C12orf42: variants seen among roughly 807,000 people sequenced by gnomAD.
C12orf42 encodes chromosome 12 open reading frame 42, also known as uncharacterized protein C12orf42.
Under a neutral mutation model 21.6 loss-of-function variants are expected in C12orf42, and 25 were observed. The ratio of observed to expected loss-of-function variants is 1.16; its 90% CI spans 0.84 to 1.62. The LOEUF (loss-of-function observed/expected upper bound fraction) is 1.62. Ranked by LOEUF, C12orf42 falls within the 40% of genes most tolerant of loss-of-function variation. C12orf42 has a pLI of 0.00. For missense variants in C12orf42, 483 were observed against 459.3 expected (o/e 1.05, Z -0.47); for synonymous variants, 174 against 175.0 (o/e 0.99, Z 0.05).
chr12:103,306,229 C>A lies in C12orf42; in HGVS notation c.376G>T (p.Glu126Ter), dbSNP rs773095957. 2.5e-6 allele frequency: 4 copies of A among 1,613,918 alleles called. No individual in the cohort carries two copies. The highest frequency in any genetic ancestry group is 2.5e-6 in the Non-Finnish European group (3 of 1,179,880). Residue 126 changes from glutamate (E) to a stop codon, truncating the protein, a stop_gained, in exon 5 of 6, where the codon GAA becomes TAA. Transcript: ENST00000548883. LOFTEE classifies it high-confidence loss of function. The stretch of plus-strand genomic sequence containing the variant: ...GATGGTGCTGGAGAGGAACGGAATT[C>A]TTCATAGCTTTCTTCATCAAAAGAA... ...TVSFDEESYE[E>*]FRSSPAPSSE...
chr12:103,315,755 G>A (rs2039412690), intron 4 of C12orf42, among the ~76,000 whole-genome samples: 1 of 152,138 alleles, frequency 6.6e-6, no homozygotes, highest in African/African-American at 2.4e-5. Flanking sequence ...ACACCTTATA[G>A]AAGAATGACG....
intron 4 of C12orf42, among the ~76,000 whole-genome samples, chr12:103,309,152 A>G (rs78983871): frequency 0.034 from 5,186 of 152,144 alleles, 279 homozygotes; most frequent in African/African-American, 0.12. Context: ...ACCTACAATA[A>G]CTCCAATGTA....
intron 4 of C12orf42, among the ~76,000 whole-genome samples, chr12:103,317,509 C>T (rs1377091230): frequency 6.6e-6 from 1 of 152,164 alleles, no homozygotes; most frequent in Non-Finnish European, 1.5e-5. Context: ...CTGGGCTAGA[C>T]TACAAATTGT....
chr12:103,059,513 G>T, the C12orf42 span, among the ~76,000 whole-genome samples: 25 of 151,992 alleles, frequency 1.6e-4, no homozygotes, highest in African/African-American at 6.0e-4. Context: ...AACCTGGCAG[G>T]CACACAACGA....
intron 2 of C12orf42, among the ~76,000 whole-genome samples, chr12:103,416,463 A>C (rs1196822914): frequency 6.6e-6 from 1 of 152,004 alleles, no homozygotes; most frequent in Non-Finnish European, 1.5e-5. Context: ...AGAGAGATTT[A>C]GATTGGTTAT....
chr12:103,432,251 G>A (rs950784132), intron 2 of C12orf42, among the ~76,000 whole-genome samples: 16 of 152,132 alleles, frequency 1.1e-4, no homozygotes, highest in Non-Finnish European at 1.3e-4. Flanking sequence ...CCCAGCTCCT[G>A]AGATCTTAGC....
the C12orf42 span, among the ~76,000 whole-genome samples, chr12:103,229,712 AT>A: frequency 6.6e-6 from 1 of 152,170 alleles, no homozygotes; most frequent in Non-Finnish European, 1.5e-5. Flanking sequence ...GAATCTTTGA[AT>A]TTTATGTAAA....
intron 4 of C12orf42, among the ~76,000 whole-genome samples, chr12:103,356,331 C>T (rs1574503): frequency 0.1 from 15,545 of 152,154 alleles, 881 homozygotes; most frequent in Middle Eastern, 0.15. Context: ...ACTAGAATGT[C>T]TGTATCTATT....
At chr12:103,419,119 T>A (rs1273159054) in intron 2 of C12orf42, among the ~76,000 whole-genome samples, 1 of 152,120 alleles carries the variant, frequency 6.6e-6, no homozygotes, top group African/African-American at 2.4e-5. Flanking sequence ...ACAAATGCTA[T>A]CATCTTTCAA....
chr12:103,334,996 T>G (rs2041568052), intron 4 of C12orf42, among the ~76,000 whole-genome samples: 1 of 152,234 alleles, frequency 6.6e-6, no homozygotes. Context: ...GGTGACAGTC[T>G]GGAGTCCACA....
the C12orf42 span, among the ~76,000 whole-genome samples, chr12:103,533,671 G>T: frequency 6.6e-6 from 1 of 152,146 alleles, no homozygotes; most frequent in Non-Finnish European, 1.5e-5. Context: ...GGTCAAAAAT[G>T]GTCAAATGTC....
chr12:103,431,375 G>T (rs1950252630), intron 2 of C12orf42: 1 of 152,144 alleles, frequency 6.6e-6, no homozygotes, highest in South Asian at 2.1e-4. Context: ...AAAGCCACAT[G>T]AATAGCTAAC....
the C12orf42 span, among the ~76,000 whole-genome samples, chr12:103,108,157 ATAAATT>A: frequency 1.3e-5 from 2 of 151,482 alleles, no homozygotes; most frequent in Admixed American, 1.3e-4. Context: ...GAAAAAATAA[ATAAATT>A]TAATCTATAT....
intron 2 of C12orf42, among the ~76,000 whole-genome samples, chr12:103,473,197 C>T (rs960351968): frequency 2.6e-5 from 4 of 152,162 alleles, no homozygotes; most frequent in East Asian, 1.9e-4. Flanking sequence ...AATAATGACA[C>T]ATAATCATCT....
chr12:103,156,381 T>C, the C12orf42 span, among the ~76,000 whole-genome samples: 1 of 152,182 alleles, frequency 6.6e-6, no homozygotes, highest in Non-Finnish European at 1.5e-5. Context: ...TCAGGAGTGC[T>C]ATAATGGACT....
the C12orf42 span, among the ~76,000 whole-genome samples, chr12:103,074,807 G>T: frequency 6.6e-6 from 1 of 152,074 alleles, no homozygotes; most frequent in African/African-American, 2.4e-5. Flanking sequence ...ACATTCACTC[G>T]GGACATAATG....
chr12:103,333,377 A>G lies in C12orf42; in HGVS notation c.260-27032T>C, dbSNP rs1047120443. On this transcript the variant is annotated intron_variant, in intron 4 of 5. Transcript: ENST00000548883. ...GTATTTGTTACATAGTAAATGCTCAATAAATGTCAGTCATTATTGCCATTG... is the reference window on the plus strand; with the variant it reads ...GTATTTGTTACATAGTAAATGCTCAGTAAATGTCAGTCATTATTGCCATTG... Among the ~76,000 whole-genome samples the G allele has an allele frequency of 3.3e-5, 5 of 152,358 alleles. No individual in the cohort carries two copies. The East Asian group carries it at 9.6e-4, about 29-fold the overall frequency.
At chr12:103,117,149 C>T in the C12orf42 span, among the ~76,000 whole-genome samples, 1 of 152,186 alleles carries the variant, frequency 6.6e-6, no homozygotes, top group Non-Finnish European at 1.5e-5. Context: ...TCTTATCCAG[C>T]TGTAAGTTTG....
intron 2 of C12orf42, among the ~76,000 whole-genome samples, chr12:103,414,825 T>G (rs934263930): frequency 5.9e-5 from 9 of 152,190 alleles, no homozygotes; most frequent in Non-Finnish European, 2.9e-5. Flanking sequence ...AATCATATTG[T>G]AAGTGAAGAG....
Sources: allele counts gnomAD v4.1 joint callset (sites outside exome capture counted in the v4.1 genomes callset), GRCh38; gene constraint gnomAD v4.1.1; transcripts MANE v1.5; gene names NCBI Gene and HGNC (gene_info 2026-07-23, HGNC 2026-07-21).